LY75: variants seen among roughly 807,000 people sequenced by gnomAD.
LY75 encodes the protein C-type lectin domain family 13 member B.
A neutral mutation model predicts 231.7 loss-of-function variants in LY75; 185 were observed. The ratio of observed to expected loss-of-function variants is 0.80; its 90% CI spans 0.71 to 0.90. The LOEUF is 0.90. Ranked by LOEUF, LY75 falls within the 40% of genes least tolerant of loss-of-function variation. The pLI is 0.00. For synonymous variants in LY75, 668 were observed against 689.0 expected (o/e 0.97, Z 0.48); for missense variants, 1,947 against 2,050.2 (o/e 0.95, Z 0.97).
chr2:159,870,480 T>C (rs1039952161), intron 13 of LY75, among the ~76,000 whole-genome samples: 3 of 151,812 alleles, frequency 2.0e-5, no homozygotes, highest in African/African-American at 7.3e-5. Context: ...ATCTGGAAAA[T>C]ATAGAAATTT....
At chr2:159,875,859 A>G (rs1685252318) in intron 11 of LY75, among the ~76,000 whole-genome samples, 2 of 152,088 alleles carry the variant, frequency 1.3e-5, no homozygotes. Flanking sequence ...TAACAAACCT[A>G]TGGGGGGATT....
chr2:159,852,118 C>T, intron 21 of LY75, 83 bp downstream of exon 21: 3 of 1,539,972 alleles, frequency 1.9e-6, no homozygotes, highest in South Asian at 2.5e-5. Flanking sequence ...GATGTTGTCA[C>T]TAATGGGTTG....
intron 1 of LY75, among the ~76,000 whole-genome samples, chr2:159,901,059 G>A (rs766626440): frequency 1.1e-4 from 16 of 152,010 alleles, no homozygotes; most frequent in Non-Finnish European, 1.8e-4. Context: ...AGCTGGTCTC[G>A]AACTCCTGAC....
At chr2:159,877,195 T>C (rs1685303441) in intron 11 of LY75, among the ~76,000 whole-genome samples, 2 of 152,184 alleles carry the variant, frequency 1.3e-5, no homozygotes, top group South Asian at 4.1e-4. Flanking sequence ...GTGATGACCA[T>C]GTGTCCTAAC....
rs540954417 is a variant in LY75 at position 159,828,515 on chromosome 2, C to T, written c.3958+3155G>A. ...AAACACACAAATGTTGGCATCGATACGGAGAAATCAGTACTCTCATATACC... is the reference window on the plus strand; with the variant it reads ...AAACACACAAATGTTGGCATCGATATGGAGAAATCAGTACTCTCATATACC... On this transcript the variant is annotated intron_variant, in intron 28 of 34. Transcript: ENST00000263636. Among the ~76,000 whole-genome samples the T allele has an allele frequency of 5.9e-5, 9 of 152,164 alleles. No individual in the cohort carries two copies. The South Asian group carries it at 1.0e-3, about 18-fold the overall frequency.
chr2:159,899,880 A>G (rs1470185925), intron 1 of LY75, among the ~76,000 whole-genome samples: 1 of 152,158 alleles, frequency 6.6e-6, no homozygotes, highest in Non-Finnish European at 1.5e-5. Context: ...TGGCAGTTTC[A>G]TTGTCCTCAG....
intron 31 of LY75, 43 bp from the exon 32 acceptor site, chr2:159,810,718 A>G (rs780612773): frequency 1.9e-6 from 3 of 1,596,002 alleles, no homozygotes; most frequent in South Asian, 2.3e-5. Flanking sequence ...CATGGAAAAA[A>G]AAGACTGCCT....
chr2:159,857,115 G>A (rs1684570657), intron 16 of LY75, among the ~76,000 whole-genome samples: 1 of 152,020 alleles, frequency 6.6e-6, no homozygotes, highest in African/African-American at 2.4e-5. Context: ...CCTTTTTTGG[G>A]TTTAATAAAA....
At chr2:159,875,079 C>T (rs35605786) in intron 12 of LY75, among the ~76,000 whole-genome samples, 33,658 of 147,888 alleles carry the variant, frequency 0.23, 4,496 homozygotes, top group South Asian at 0.51. Context: ...AATATATATA[C>T]ACTTTTTTTA....
chr2:159,897,182 T>C (rs1420043463), intron 2 of LY75, among the ~76,000 whole-genome samples: 1 of 152,136 alleles, frequency 6.6e-6, no homozygotes, highest in African/African-American at 2.4e-5. Context: ...GAGTTTAAGA[T>C]TACAACTATG....
intron 4 of LY75, among the ~76,000 whole-genome samples, chr2:159,889,048 A>C (rs1016793665): frequency 4.6e-5 from 7 of 152,174 alleles, no homozygotes; most frequent in African/African-American, 1.4e-4. Flanking sequence ...GGACTCAGTA[A>C]CTTAGGTTCC....
chr2:159,853,030 T>C (rs1363138199), intron 20 of LY75, among the ~76,000 whole-genome samples: 1 of 152,176 alleles, frequency 6.6e-6, no homozygotes, highest in Non-Finnish European at 1.5e-5. Flanking sequence ...TAGACACTTA[T>C]CAGTTAGGAA....
At position 159,850,393 on chromosome 2, in the gene LY75, G is replaced by T. The variant is rs746620642; in HGVS notation, c.2958C>A (p.Thr986=). ...CAATCTGGCTCAACACTGAAGGAAG[G>T]GTGCCACCATAGGAGTGACAGGTAT... is the stretch of plus-strand genomic sequence containing the variant. ...ASDTCHSYGG[T]LPSVLSQIEQ... is the part of the protein sequence containing the mutation. The change falls in exon 22 of 35, where the codon ACC becomes ACA. Residue 986 remains threonine, a synonymous_variant. Transcript: ENST00000263636. The T allele has an allele frequency of 1.2e-6, 2 of 1,613,550 alleles. No homozygotes were observed. The highest frequency in any genetic ancestry group is 1.7e-6 in the Non-Finnish European group (2 of 1,179,670).
intron 15 of LY75, 141 bp downstream of exon 15, chr2:159,860,680 G>A: frequency 1.1e-6 from 1 of 918,742 alleles, no homozygotes; most frequent in African/African-American, 1.7e-5. Context: ...GCTGCTGAGG[G>A]CCAGGCCATG....
rs747329768 is a variant in LY75, at chr2:159,852,304, G to A, written c.2780C>T (p.Pro927Leu). The part of the protein sequence containing the change: ...GKPTDCSTKL[P>L]FICEKYNVSS... ...AACATTATATTTTTCACAGATGAAG[G>A]GCAACTTGGTACTACAGTCTGTTGG... Residue 927 changes from proline (P) to leucine (L), a missense_variant, in exon 21 of 35, where the codon CCC (proline) becomes CTC (leucine). Transcript: ENST00000263636. 6 of 1,613,846 alleles carry A rather than the reference G, an allele frequency of 3.7e-6. No homozygotes were observed. The highest frequency in any genetic ancestry group is 5.1e-6 in the Non-Finnish European group (6 of 1,179,948).
At chr2:159,857,910 A>G (rs1053225289) in intron 16 of LY75, among the ~76,000 whole-genome samples, 62 of 152,306 alleles carry the variant, frequency 4.1e-4, no homozygotes, top group African/African-American at 1.5e-3. Flanking sequence ...GAATTTATAT[A>G]AAGTATTAGC....
chr2:159,835,442 T>C, intron 26 of LY75, 38 bp downstream of exon 26: 1 of 1,556,900 alleles, frequency 6.4e-7, no homozygotes, highest in Non-Finnish European at 8.7e-7. Flanking sequence ...ATGGGACTGT[T>C]AATAATTTAA....
At chr2:159,852,937 G>C (rs962776491) in intron 20 of LY75, among the ~76,000 whole-genome samples, 9 of 152,176 alleles carry the variant, frequency 5.9e-5, no homozygotes, top group Non-Finnish European at 1.3e-4. Context: ...GGTAGGAAGA[G>C]AGTTGAAGGG....
At position 159,854,423 on chromosome 2, in the gene LY75, G is replaced by T; in HGVS notation, c.2532C>A (p.His844Gln). Residue 844 changes from histidine (H) to glutamine (Q), a missense_variant, in exon 18 of 35, where the codon CAC becomes CAA. His to Gln is a conservative substitution (Grantham distance 24). Coordinates refer to ENST00000263636, the MANE Select transcript of LY75 (RefSeq NM_002349.4). ...EEAVLYCASN[H>Q]SFLATITSFV... ...AAGATGTTATAGTTGCAAGAAAGCT[G>T]TGATTGCTGGCACAGTACAGGACGG... 6.4e-7 allele frequency: 1 copy of T among 1,566,114 alleles called. No individual in the cohort carries two copies. Among genetic ancestry groups the T allele is most frequent in the Non-Finnish European group, 8.7e-7 (1 of 1,150,634 alleles).
Sources: gnomAD v4.1 joint callset for allele counts (sites outside exome capture counted in the v4.1 genomes callset) on GRCh38, gnomAD v4.1.1 for gene constraint, MANE v1.5 for transcripts, NCBI Gene and HGNC (gene_info 2026-07-23, HGNC 2026-07-21) for gene names.